The following ALMS1 variants were observed in gnomAD, a reference collection of about 807,000 sequenced individuals.
ALMS1 encodes the protein ALMS1 centrosome and basal body associated protein, also known as centrosome-associated protein ALMS1.
Under a neutral mutation model 352.2 loss-of-function variants are expected in ALMS1, and 271 were observed. The observed-to-expected ratio is 0.77, with a 90% CI of 0.70 to 0.85. The LOEUF (loss-of-function observed/expected upper bound fraction) is 0.85. ALMS1 is among the 40% of genes least tolerant of loss of function. The pLI is 0.00. For synonymous variants in ALMS1, 1,865 were observed against 1,761.2 expected (o/e 1.06, Z -1.48); for missense variants, 5,445 against 4,870.7 (o/e 1.12, Z -3.51).
chr2:73,564,465 C>CAAAAAAAAAAAAAAAAAAAAAAACAAAAA (rs367797062), intron 15 of ALMS1, among the ~76,000 whole-genome samples: 1 of 63,362 alleles, frequency 1.6e-5, no homozygotes. Flanking sequence ...GACTCCGTCT[C>CAAAAAAAAAAAAAAAAAAAAAAACAAAAA]AAAAAAAAAA....
At chr2:73,485,046 T>G (rs948765846) in intron 9 of ALMS1, among the ~76,000 whole-genome samples, 11 of 152,236 alleles carry the variant, frequency 7.2e-5, no homozygotes, top group African/African-American at 2.7e-4. Flanking sequence ...CAGAGTAATT[T>G]GATCGTCTGA....
At chr2:73,419,080 C>T in intron 2 of ALMS1, 43 bp from the exon 3 acceptor site, 1 of 1,494,688 alleles carries the variant, frequency 6.7e-7, no homozygotes, top group Non-Finnish European at 9.3e-7. Flanking sequence ...TGTATGGTAA[C>T]TCAGTTAATG....
rs765519585 is a variant in ALMS1 at position 73,450,230 on chromosome 2, A to G, written c.3703A>G (p.Thr1235Ala). Residue 1235 changes from threonine to alanine, a missense_variant, in exon 8 of 23, where the codon ACC becomes GCC. Physicochemically the swap from Thr to Ala is moderately conservative, Grantham distance 58. Coordinates refer to ENST00000613296, the MANE Select transcript of ALMS1 (RefSeq NM_001378454.1). ...ADQKTGTPTP[T>A]SASYSHTEKP... is the part of the protein sequence containing the mutation. ...CCAGAAGACTGGGACACCAACTCCAACCTCTGCTTCTTACTCACACACAGA... is the reference window on the plus strand; with the variant it reads ...CCAGAAGACTGGGACACCAACTCCAGCCTCTGCTTCTTACTCACACACAGA... 6 of 1,611,764 alleles carry G rather than the reference A, an allele frequency of 3.7e-6. No homozygotes were observed. In the East Asian group the frequency reaches 8.9e-5, roughly 24 times the overall value.
At chr2:73,399,461 G>C (rs912435512) in intron 1 of ALMS1, among the ~76,000 whole-genome samples, 1 of 151,956 alleles carries the variant, frequency 6.6e-6, no homozygotes, top group Non-Finnish European at 1.5e-5. Flanking sequence ...AGTGGGGGCA[G>C]GCGTCTCACA....
At chr2:73,564,323 G>A (rs1674755907) in intron 15 of ALMS1, among the ~76,000 whole-genome samples, 1 of 151,706 alleles carries the variant, frequency 6.6e-6, no homozygotes, top group Non-Finnish European at 1.5e-5. Flanking sequence ...AAATATAGCC[G>A]GGCATGGCGG....
intron 9 of ALMS1, among the ~76,000 whole-genome samples, chr2:73,486,709 A>G (rs569509439): frequency 1.3e-5 from 2 of 152,146 alleles, no homozygotes; most frequent in East Asian, 1.9e-4. Context: ...TTTGTTTTAT[A>G]TATATTTTCC....
At chr2:73,538,459 G>A (rs188092041) in intron 12 of ALMS1, among the ~76,000 whole-genome samples, 62 of 152,266 alleles carry the variant, frequency 4.1e-4, no homozygotes, top group Middle Eastern at 3.4e-3. Context: ...CAGTGTGAGC[G>A]ATGCAGAAAA....
At chr2:73,584,309 T>G (rs183625445) in intron 16 of ALMS1, among the ~76,000 whole-genome samples, 1 of 152,280 alleles carries the variant, frequency 6.6e-6, no homozygotes. Flanking sequence ...AATTAGAACA[T>G]TTTACTTACA....
chr2:73,563,735 A>T (rs550993987), intron 15 of ALMS1, among the ~76,000 whole-genome samples: 21,334 of 134,516 alleles, frequency 0.16, 2,294 homozygotes, highest in Admixed American at 0.25. Flanking sequence ...AAAAAAAAAA[A>T]AAAAATAAAA....
chr2:73,559,660 A>G (rs1351706830), intron 15 of ALMS1, among the ~76,000 whole-genome samples: 1 of 152,194 alleles, frequency 6.6e-6, no homozygotes, highest in Admixed American at 6.5e-5. Context: ...AAGGAGAGAA[A>G]AGAGTCAAGG....
rs578232386 is a variant in ALMS1 at position 73,590,116 on chromosome 2, A to G, written c.11548-9285A>G. On this transcript the variant is annotated intron_variant, in intron 16 of 22. Coordinates refer to ENST00000613296, the MANE Select transcript of ALMS1 (RefSeq NM_001378454.1). ...AGAGTATCTCTTTAATTTCCGTGGGAAGAGAGTTTTTCATATAATTTACAG... is the reference window on the plus strand; with the variant it reads ...AGAGTATCTCTTTAATTTCCGTGGGGAGAGAGTTTTTCATATAATTTACAG... 9.9e-5 allele frequency among the ~76,000 whole-genome samples: 15 copies of G among 151,632 alleles called. No individual in the cohort carries two copies. In the South Asian group the frequency reaches 2.9e-3, roughly 30 times the overall value.
chr2:73,445,232 A>T (rs1671788643), intron 7 of ALMS1, among the ~76,000 whole-genome samples: 1 of 152,118 alleles, frequency 6.6e-6, no homozygotes, highest in Non-Finnish European at 1.5e-5. Flanking sequence ...AGCATTCATT[A>T]TTTCTTTATG....
chr2:73,446,445 C>T (rs1050750965), intron 7 of ALMS1, among the ~76,000 whole-genome samples: 6 of 152,130 alleles, frequency 3.9e-5, no homozygotes, highest in Non-Finnish European at 7.4e-5. Flanking sequence ...TCTTTAGACC[C>T]AGCAGGCAAG....
intron 7 of ALMS1, among the ~76,000 whole-genome samples, chr2:73,447,215 T>C (rs1476195482): frequency 2.6e-5 from 4 of 152,190 alleles, no homozygotes; most frequent in Non-Finnish European, 4.4e-5. Context: ...TTTAGAATTA[T>C]TGTATTAGTG....
chr2:73,520,726 C>T (rs925824577), intron 11 of ALMS1, among the ~76,000 whole-genome samples: 2 of 152,180 alleles, frequency 1.3e-5, no homozygotes, highest in African/African-American at 4.8e-5. Context: ...GAATAGGTAG[C>T]AGTCTCTACC....
intron 12 of ALMS1, among the ~76,000 whole-genome samples, chr2:73,546,565 C>T (rs1026379680): frequency 6.6e-6 from 1 of 152,132 alleles, no homozygotes; most frequent in African/African-American, 2.4e-5. Flanking sequence ...TACGTAATTA[C>T]AAGTGATAAA....
At chr2:73,537,093 G>A (rs993612074) in intron 12 of ALMS1, among the ~76,000 whole-genome samples, 2 of 152,148 alleles carry the variant, frequency 1.3e-5, no homozygotes, top group Non-Finnish European at 2.9e-5. Context: ...ATCTTTACTT[G>A]ACCTGACTGG....
chr2:73,524,643 G>A (rs1232695704), intron 11 of ALMS1, among the ~76,000 whole-genome samples: 5 of 152,012 alleles, frequency 3.3e-5, no homozygotes, highest in African/African-American at 7.3e-5. Flanking sequence ...AGTAGAGAAA[G>A]GGTTTCACCA....
At chr2:73,468,418 T>C (rs1242155815) in intron 9 of ALMS1, among the ~76,000 whole-genome samples, 1 of 152,074 alleles carries the variant, frequency 6.6e-6, no homozygotes, top group Non-Finnish European at 1.5e-5. Context: ...TCAACTGTTT[T>C]TAAGTGTACA....
Sources: allele counts gnomAD v4.1 joint callset (sites outside exome capture counted in the v4.1 genomes callset), GRCh38; gene constraint gnomAD v4.1.1; transcripts MANE v1.5; gene names NCBI Gene and HGNC (gene_info 2026-07-23, HGNC 2026-07-21).